Variants in NAV3 observed in about 807,000 individuals in gnomAD.
NAV3 encodes the protein neuron navigator 3.
In NAV3, 87 loss-of-function variants were observed where a neutral mutation model predicts 244.7. The observed-to-expected ratio is 0.36, with a 90% CI of 0.30 to 0.42. The LOEUF (loss-of-function observed/expected upper bound fraction) is 0.42. Ranked by LOEUF, NAV3 falls within the 20% of genes least tolerant of loss-of-function variation. The pLI is 1.00. For missense variants in NAV3, 2,663 were observed against 2,893.3 expected (o/e 0.92, Z 1.83); for synonymous variants, 1,126 against 1,042.2 (o/e 1.08, Z -1.55).
intron 2 of NAV3, among the ~76,000 whole-genome samples, chr12:77,578,339 G>A (rs1452655596): frequency 6.6e-6 from 1 of 152,008 alleles, no homozygotes. Flanking sequence ...CCTACAGACA[G>A]TTTCTGAGAG....
chr12:77,650,686 A>G (rs1872783724), intron 2 of NAV3, among the ~76,000 whole-genome samples: 1 of 152,046 alleles, frequency 6.6e-6, no homozygotes, highest in South Asian at 2.1e-4. Flanking sequence ...CATTTTTGTA[A>G]ATAGATTTTT....
chr12:78,133,574 A>G (rs1482991483), intron 18 of NAV3, among the ~76,000 whole-genome samples: 1 of 151,812 alleles, frequency 6.6e-6, no homozygotes, highest in Non-Finnish European at 1.5e-5. Flanking sequence ...AAATGTGTTA[A>G]TATATAAAAT....
chr12:77,652,432 A>T (rs1048809720), intron 2 of NAV3, among the ~76,000 whole-genome samples: 11 of 152,206 alleles, frequency 7.2e-5, no homozygotes, highest in African/African-American at 2.4e-4. Context: ...CATTTTAAAG[A>T]AACATTTTAA....
At chr12:77,643,354 A>C (rs748206284) in intron 2 of NAV3, among the ~76,000 whole-genome samples, 2 of 151,854 alleles carry the variant, frequency 1.3e-5, no homozygotes, top group Admixed American at 6.6e-5. Flanking sequence ...AAAGCTTTCT[A>C]ATGGAACAAT....
At chr12:78,023,689 A>G (rs1257084757) in intron 9 of NAV3, among the ~76,000 whole-genome samples, 1 of 152,180 alleles carries the variant, frequency 6.6e-6, no homozygotes, top group African/African-American at 2.4e-5. Context: ...TTAGTAAGTT[A>G]TAAATTGAGT....
rs1869552999 is a variant in NAV3 at position 77,762,834 on chromosome 12, T to C, written c.73-177485T>C. Reference sequence around the variant, plus strand: ...ATGTTGTTACTACTCTAGACAATACTACTCTTCAGAGCCTATTTATATTGA... The same window carrying C: ...ATGTTGTTACTACTCTAGACAATACCACTCTTCAGAGCCTATTTATATTGA... On this transcript the variant is annotated intron_variant, in intron 2 of 8. Coordinates refer to the NAV3 transcript ENST00000550042. Among the ~76,000 whole-genome samples, 3 of 152,260 alleles carry C rather than the reference T, an allele frequency of 2.0e-5. No homozygotes were observed. The South Asian group carries it at 6.2e-4, about 32-fold the overall frequency.
chr12:78,090,442 A>G (rs1044795320), intron 12 of NAV3, among the ~76,000 whole-genome samples: 3 of 151,974 alleles, frequency 2.0e-5, no homozygotes, highest in Non-Finnish European at 1.5e-5. Flanking sequence ...AACATTAACC[A>G]TATTGCCTGA....
chr12:77,645,534 TCTAAAAAAAA>T (rs1452576113), intron 2 of NAV3, among the ~76,000 whole-genome samples: 3 of 89,320 alleles, frequency 3.4e-5, no homozygotes, highest in African/African-American at 1.9e-4. Flanking sequence ...GCTCTCTCTC[TCTAAAAAAAA>T]AAAAAAAAAA....
Position 77,940,385 on chromosome 12 carries a change from C to A in NAV3, c.310C>A (p.Gln104Lys). 1.2e-6 allele frequency: 2 copies of A among 1,613,886 alleles called. No homozygotes were observed. Among genetic ancestry groups the A allele is most frequent in the Non-Finnish European group, 1.7e-6 (2 of 1,179,834 alleles). Residue 104 changes from glutamine to lysine, a missense_variant, in exon 2 of 40, where the codon CAA becomes AAA. Physicochemically the swap from Gln to Lys is moderately conservative, Grantham distance 53. This residue lies in a region of NAV3 where 1,521 missense variants were observed against 1,497.0 expected (regional missense o/e 1.02). Coordinates refer to ENST00000397909, the MANE Select transcript of NAV3 (RefSeq NM_001024383.2). ...SGHKRLIKDL[Q>K]QDIADGVLLA... The stretch of plus-strand genomic sequence containing the variant: ...CCACAAGCGGCTGATCAAGGACTTG[C>A]AACAAGACATTGCAGATGGAGTACT...
chr12:77,803,240 T>C (rs7133859), intron 2 of NAV3, among the ~76,000 whole-genome samples: 148,433 of 152,166 alleles, frequency 0.98, 72,522 homozygotes, highest in Non-Finnish European at 1. Flanking sequence ...AACCCATCAT[T>C]TACATTAGGT....
chr12:77,628,497 T>C (rs73425573), intron 2 of NAV3, among the ~76,000 whole-genome samples: 18,141 of 152,196 alleles, frequency 0.12, 1,998 homozygotes, highest in African/African-American at 0.29. Context: ...CAATTATCAG[T>C]AAAATATGTG....
At chr12:77,604,893 C>T (rs1361732836) in intron 2 of NAV3, among the ~76,000 whole-genome samples, 2 of 152,024 alleles carry the variant, frequency 1.3e-5, no homozygotes, top group African/African-American at 4.8e-5. Flanking sequence ...ACTAAACTTC[C>T]TTCCATTAAA....
chr12:77,844,524 T>C (rs1009708255), intron 1 of NAV3, among the ~76,000 whole-genome samples: 2 of 152,172 alleles, frequency 1.3e-5, no homozygotes, highest in Admixed American at 6.5e-5. Flanking sequence ...TGCAATAAAT[T>C]TTTTTGAGTT....
At chr12:78,151,570 C>T (rs565589516) in intron 22 of NAV3, among the ~76,000 whole-genome samples, 1 of 151,774 alleles carries the variant, frequency 6.6e-6, no homozygotes, top group East Asian at 1.9e-4. Context: ...ATATAACATT[C>T]CAGAAATGGC....
At chr12:77,778,628 A>G (rs1038819171) in intron 2 of NAV3, among the ~76,000 whole-genome samples, 6 of 151,910 alleles carry the variant, frequency 3.9e-5, no homozygotes, top group Non-Finnish European at 7.4e-5. Context: ...AAAAAAAAAA[A>G]AAAGAAAATG....
At chr12:77,630,534 A>G (rs138113159) in intron 2 of NAV3, among the ~76,000 whole-genome samples, 2 of 152,174 alleles carry the variant, frequency 1.3e-5, no homozygotes, top group Non-Finnish European at 2.9e-5. Flanking sequence ...AGAATAAATC[A>G]TGTGCCTTCA....
At chr12:77,873,233 G>A (rs1881253634) in intron 1 of NAV3, among the ~76,000 whole-genome samples, 2 of 152,000 alleles carry the variant, frequency 1.3e-5, no homozygotes, top group Admixed American at 1.3e-4. Context: ...CCCATCTTGG[G>A]TATTTCTTCA....
chr12:77,873,491 A>T (rs1347272929), intron 1 of NAV3, among the ~76,000 whole-genome samples: 1 of 151,620 alleles, frequency 6.6e-6, no homozygotes, highest in Non-Finnish European at 1.5e-5. Flanking sequence ...TGAAGTTATA[A>T]ATCATAATTT....
intron 8 of NAV3, among the ~76,000 whole-genome samples, chr12:78,018,909 C>T (rs1274570823): frequency 1.3e-5 from 2 of 151,998 alleles, no homozygotes; most frequent in Admixed American, 6.6e-5. Context: ...TAGATGAAGC[C>T]AGGTGGAAGA....
Sources: gnomAD v4.1 joint callset for allele counts (sites outside exome capture counted in the v4.1 genomes callset) on GRCh38, gnomAD v4.1.1 for gene constraint, gnomAD v4.1.1 regional missense constraint, MANE v1.5 for transcripts, NCBI Gene and HGNC (gene_info 2026-07-23, HGNC 2026-07-21) for gene names.